AFF3: variants seen among roughly 807,000 people sequenced by gnomAD.
AFF3 encodes the protein AF4/FMR2 family member 3.
Under a neutral mutation model 129.7 loss-of-function variants are expected in AFF3, and 32 were observed. The ratio of observed to expected loss-of-function variants is 0.25; its 90% CI spans 0.19 to 0.33. AFF3 has a LOEUF of 0.33. Among genes scored for constraint, AFF3 ranks in the 10% least tolerant of loss-of-function variants. The pLI is 1.00. For synonymous variants in AFF3, 644 were observed against 635.4 expected (o/e 1.01, Z -0.20); for missense variants, 1,373 against 1,592.0 (o/e 0.86, Z 2.34).
At chr2:99,808,120 A>G (rs1295413935) in intron 8 of AFF3, among the ~76,000 whole-genome samples, 1 of 152,192 alleles carries the variant, frequency 6.6e-6, no homozygotes, top group African/African-American at 2.4e-5. Flanking sequence ...GGTTAAAGAG[A>G]GGCCGGAAGA....
At chr2:100,045,922 C>T (rs189989622) in intron 4 of AFF3, among the ~76,000 whole-genome samples, 3 of 152,112 alleles carry the variant, frequency 2.0e-5, no homozygotes, top group African/African-American at 7.2e-5. Flanking sequence ...GTAGGGGTTC[C>T]AGTCAACATT....
intron 8 of AFF3, among the ~76,000 whole-genome samples, chr2:99,807,628 T>C (rs1209552758): frequency 2.0e-5 from 3 of 152,178 alleles, no homozygotes; most frequent in African/African-American, 7.2e-5. Context: ...TGACATCTGG[T>C]AAAATAAGGC....
intron 3 of AFF3, chr2:100,104,836 C>T: frequency 5.6e-6 from 3 of 533,708 alleles, no homozygotes; most frequent in African/African-American, 2.2e-5. Flanking sequence ...GTGCTCTGCG[C>T]CCGCCCGCCC....
intron 7 of AFF3, among the ~76,000 whole-genome samples, chr2:99,852,952 C>T (rs1470983832): frequency 6.6e-6 from 1 of 152,066 alleles, no homozygotes; most frequent in Non-Finnish European, 1.5e-5. Flanking sequence ...CTTGGAAGAA[C>T]CTATTTATAG....
At chr2:99,581,675 C>T (rs908922025) in intron 17 of AFF3, among the ~76,000 whole-genome samples, 3 of 151,852 alleles carry the variant, frequency 2.0e-5, no homozygotes, top group Non-Finnish European at 2.9e-5. Context: ...TGTGCCACCA[C>T]GCTTGGCCAC....
At chr2:99,683,023 C>T (rs1195636121) in intron 11 of AFF3, among the ~76,000 whole-genome samples, 4 of 152,106 alleles carry the variant, frequency 2.6e-5, no homozygotes, top group Non-Finnish European at 2.9e-5. Context: ...CCTGTTGGTC[C>T]CCCTTCCCTG....
At chr2:99,991,937 C>T (rs1323018843) in intron 7 of AFF3, among the ~76,000 whole-genome samples, 1 of 150,610 alleles carries the variant, frequency 6.6e-6, no homozygotes, top group Non-Finnish European at 1.5e-5. Flanking sequence ...ACCCAAAAAA[C>T]CTTATCATAA....
intron 7 of AFF3, among the ~76,000 whole-genome samples, chr2:99,912,781 T>C (rs1695191283): frequency 6.6e-6 from 1 of 152,218 alleles, no homozygotes; most frequent in African/African-American, 2.4e-5. Flanking sequence ...CAAAATTGCA[T>C]ATCCATGAGC....
Position 99,548,934 on chromosome 2 carries a change from C to G in AFF3, c.*2540G>C, listed in dbSNP as rs1276061914. ...AGATGAAACAAGACAGTCATAAGAACTACACGCTCTGACCACTGCCCACAA... is the reference window on the plus strand; with the variant it reads ...AGATGAAACAAGACAGTCATAAGAAGTACACGCTCTGACCACTGCCCACAA... On this transcript the variant is annotated 3_prime_UTR_variant, in exon 25 of 25. Transcript: ENST00000672756. The G allele has an allele frequency of 1.3e-5, 3 of 232,236 alleles. No individual in the cohort carries two copies. 14.4% of individuals were successfully genotyped at this position (232,236 alleles called of 1,614,324 possible).
At chr2:99,922,759 T>C (rs1558978194) in intron 7 of AFF3, among the ~76,000 whole-genome samples, 3 of 152,306 alleles carry the variant, frequency 2.0e-5, no homozygotes, top group South Asian at 2.1e-4. Context: ...TAAGATCTTC[T>C]CAAGTAAACA....
chr2:99,623,971 T>C (rs1346922809), intron 13 of AFF3, among the ~76,000 whole-genome samples: 2 of 152,186 alleles, frequency 1.3e-5, no homozygotes, highest in Admixed American at 1.3e-4. Context: ...GATAAAGTTA[T>C]TAAGGATTTC....
intron 22 of AFF3, among the ~76,000 whole-genome samples, chr2:99,555,181 C>T (rs1485018879): frequency 1.3e-5 from 2 of 152,112 alleles, no homozygotes; most frequent in Non-Finnish European, 2.9e-5. Context: ...AAGTCATAAT[C>T]CCAACGGTCT....
intron 7 of AFF3, among the ~76,000 whole-genome samples, chr2:99,890,288 A>G (rs763999572): frequency 6.6e-5 from 10 of 152,152 alleles, no homozygotes; most frequent in Non-Finnish European, 1.5e-4. Context: ...TTGGTACAAA[A>G]TTCAGGGAAC....
intron 13 of AFF3, among the ~76,000 whole-genome samples, chr2:99,625,684 C>A (rs1682475976): frequency 6.6e-6 from 1 of 152,126 alleles, no homozygotes. Flanking sequence ...CCTGGGAATT[C>A]ATATTTCAGG....
intron 7 of AFF3, among the ~76,000 whole-genome samples, chr2:99,895,866 C>T (rs558439314): frequency 8.6e-4 from 130 of 152,036 alleles, no homozygotes; most frequent in African/African-American, 3.0e-3. Flanking sequence ...GTCAGGAGTT[C>T]GAGACCAGCC....
chr2:100,120,442 T>C (rs1353346279), intron 2 of AFF3, among the ~76,000 whole-genome samples: 1 of 151,844 alleles, frequency 6.6e-6, no homozygotes, highest in Non-Finnish European at 1.5e-5. Context: ...AGGTTTTCTT[T>C]TTTATTTTGC....
chr2:99,560,955 T>A (rs1675411475), intron 20 of AFF3, among the ~76,000 whole-genome samples: 1 of 152,246 alleles, frequency 6.6e-6, no homozygotes, highest in African/African-American at 2.4e-5. Context: ...AGACAGATAC[T>A]ACGAGAAACT....
chr2:100,079,508 T>C (rs868675453), intron 4 of AFF3, among the ~76,000 whole-genome samples: 1 of 152,328 alleles, frequency 6.6e-6, no homozygotes, highest in Middle Eastern at 3.4e-3. Context: ...CTGCACCTTA[T>C]TTAACCACAG....
intron 10 of AFF3, among the ~76,000 whole-genome samples, chr2:99,727,398 G>T (rs572922991): frequency 3.3e-5 from 5 of 152,250 alleles, no homozygotes; most frequent in African/African-American, 1.2e-4. Context: ...GCCAGAAGAT[G>T]AATATCTTAC....
Sources: gnomAD v4.1 joint callset for allele counts (sites outside exome capture counted in the v4.1 genomes callset) on GRCh38, gnomAD v4.1.1 for gene constraint, MANE v1.5 for transcripts, NCBI Gene and HGNC (gene_info 2026-07-23, HGNC 2026-07-21) for gene names.